Variants in POMT2 observed in about 807,000 individuals in gnomAD.
The protein encoded by POMT2 is protein O-mannosyltransferase 2.
POMT2 carries 75 observed loss-of-function variants against 100.0 expected under a neutral mutation model. The ratio of observed to expected loss-of-function variants is 0.75; its 90% CI spans 0.62 to 0.91. The LOEUF (loss-of-function observed/expected upper bound fraction) is 0.91, where lower values mean the gene tolerates loss of function less well. Among genes scored for constraint, POMT2 ranks in the 40% least tolerant of loss-of-function variants. The pLI is 0.00. For missense variants in POMT2, 940 were observed against 955.1 expected (o/e 0.98, Z 0.21); for synonymous variants, 378 against 374.1 (o/e 1.01, Z -0.12).
At position 77,285,624 on chromosome 14, in the gene POMT2, T is replaced by G; in HGVS notation, c.1341A>C (p.Thr447=). 6.2e-7 allele frequency: 1 copy of G among 1,612,492 alleles called. No individual in the cohort carries two copies. Among genetic ancestry groups the G allele is most frequent in the Non-Finnish European group, 8.5e-7 (1 of 1,178,544 alleles). The change falls in exon 13 of 21, where the codon ACA becomes ACC. Residue 447 remains threonine, a synonymous_variant. Coordinates refer to ENST00000261534, the MANE Select transcript of POMT2 (RefSeq NM_013382.7). ...YQVTGYGING[T]GDSNDFWRIE... is the part of the protein sequence containing the mutation. ...TCCGCCAGAAATCATTTGAGTCCCC[T>G]GTTCCATTCTGCCATAAAAGCCAAG...
Position 77,278,859 on chromosome 14 carries a change from C to G in POMT2, c.1902G>C (p.Gln634His), listed in dbSNP as rs1594883867. ...CCTGGCCGCCTCCTCGAAGCAGGAC[C>G]TGGGACAACCCTGGGCCCAAGCAGC... Reference protein sequence around the residue: ...RLPAEVAGLSQVLLRGGGQVL... With the variant: ...RLPAEVAGLSHVLLRGGGQVL... The change falls in exon 19 of 21, where the codon CAG (glutamine) becomes CAC (histidine). Residue 634 changes from glutamine to histidine, a missense_variant. Gln to His is a conservative substitution (Grantham distance 24). Transcript: ENST00000261534. 6.2e-7 allele frequency: 1 copy of G among 1,613,246 alleles called. No individual in the cohort carries two copies. Among genetic ancestry groups the G allele is most frequent in the Non-Finnish European group, 8.5e-7 (1 of 1,179,790 alleles).
chr14:77,298,668 T>C, intron 8 of POMT2, 21 bp downstream of exon 8: 1 of 1,613,330 alleles, frequency 6.2e-7, no homozygotes, highest in Non-Finnish European at 8.5e-7. Flanking sequence ...TCTACCTTTG[T>C]AATGGCCCAG....
At chr14:77,305,580 T>C (rs559400878) in intron 3 of POMT2, among the ~76,000 whole-genome samples, 9 of 152,342 alleles carry the variant, frequency 5.9e-5, no homozygotes, top group Admixed American at 1.3e-4. Context: ...GCAAATCATC[T>C]AACGATGAGG....
intron 8 of POMT2, among the ~76,000 whole-genome samples, chr14:77,297,535 A>G (rs989516634): frequency 6.6e-6 from 1 of 152,188 alleles, no homozygotes; most frequent in Admixed American, 6.5e-5. Context: ...GGAATTCAGT[A>G]TCTGCCCTTC....
At chr14:77,311,704 T>C (rs1241314735) in intron 2 of POMT2, among the ~76,000 whole-genome samples, 3 of 152,236 alleles carry the variant, frequency 2.0e-5, no homozygotes, top group Non-Finnish European at 4.4e-5. Flanking sequence ...TTCCACCATA[T>C]GGCTGTGCCA....
chr14:77,285,494 C>T lies in POMT2; in HGVS notation c.1471G>A (p.Val491Ile). The change falls in exon 13 of 21, where the codon GTT (valine) becomes ATT (isoleucine). Residue 491 changes from valine (V) to isoleucine (I), a missense_variant. Coordinates refer to ENST00000261534, the MANE Select transcript of POMT2 (RefSeq NM_013382.7). ...TGCVLGSSGK[V>I]LPKWGWEQLE... ...CTAGAGACTTACCACTTGGGCAGAA[C>T]CTTTCCCGAGGAGCCCAGGACACAA... 1 of 1,614,156 alleles carries T rather than the reference C, an allele frequency of 6.2e-7. No individual in the cohort carries two copies. Among genetic ancestry groups the T allele is most frequent in the Non-Finnish European group, 8.5e-7 (1 of 1,180,024 alleles).
intron 1 of POMT2, among the ~76,000 whole-genome samples, chr14:77,316,346 G>A (rs1891625470): frequency 6.6e-6 from 1 of 152,106 alleles, no homozygotes; most frequent in African/African-American, 2.4e-5. Flanking sequence ...GCTGAGGCAG[G>A]AGGATGGCTT....
intron 8 of POMT2, chr14:77,296,620 G>A (rs1002036281): frequency 2.5e-5 from 8 of 314,420 alleles, no homozygotes; most frequent in South Asian, 1.8e-4. Flanking sequence ...TTCTGTCTTC[G>A]CCTGGAATGT....
At chr14:77,299,627 A>G in intron 6 of POMT2, 66 bp from the exon 7 acceptor site, 1 of 1,145,102 alleles carries the variant, frequency 8.7e-7, no homozygotes, top group Non-Finnish European at 1.3e-6. Flanking sequence ...GGCACTATGC[A>G]TGCATTATAT....
chr14:77,298,140 C>T lies in POMT2; in HGVS notation c.1006+549G>A, dbSNP rs139664873. 4.5e-4 allele frequency among the ~76,000 whole-genome samples: 68 copies of T among 152,276 alleles called. No individual in the cohort carries two copies. In the East Asian group the frequency reaches 0.012, roughly 28 times the overall value. ...CTCTGTTGAAAGCCACACATTCTTC[C>T]AGGGCCTGACTCCAAGGCAACCCAC... On this transcript the variant is annotated intron_variant, in intron 8 of 20. Coordinates refer to ENST00000261534, the MANE Select transcript of POMT2 (RefSeq NM_013382.7).
Position 77,277,846 on chromosome 14 carries a change from G to C in POMT2, c.2148-365C>G, listed in dbSNP as rs143977171. ...ACCAAGGCCAGGGACTGGGGAAGCG[G>C]GGAGCCTTCCAAACAACTCTCCCTT... is the stretch of plus-strand genomic sequence containing the variant. On this transcript the variant is annotated intron_variant, in intron 20 of 20. Coordinates refer to ENST00000261534, the MANE Select transcript of POMT2 (RefSeq NM_013382.7). Among the ~76,000 whole-genome samples, 1,219 of 152,284 alleles carry C rather than the reference G, an allele frequency of 8.0e-3. 15 individuals carry two copies. Among genetic ancestry groups the C allele is most frequent in the African/African-American group, 0.027 (1,133 of 41,566 alleles).
At chr14:77,320,285 C>A in intron 1 of POMT2, 149 bp downstream of exon 1, 1 of 1,392,948 alleles carries the variant, frequency 7.2e-7, no homozygotes. Flanking sequence ...ATGCACCTCG[C>A]CAGAGGCCAA....
In POMT2 at chr14:77,285,558, C is replaced by A. The variant is rs886042679; in HGVS notation, c.1407G>T (p.Val469=). 3.1e-6 allele frequency: 5 copies of A among 1,614,012 alleles called. No homozygotes were observed. The highest frequency in any genetic ancestry group is 2.7e-5 in the African/African-American group (2 of 74,912). Residue 469 remains valine (V), a synonymous_variant, in exon 13 of 21, where the codon GTG becomes GTT. Coordinates refer to ENST00000261534, the MANE Select transcript of POMT2 (RefSeq NM_013382.7). The stretch of plus-strand genomic sequence containing the variant: ...GGATGAAGCGAATTCGACTTCTCAG[C>A]ACTTTGATCCGGTTTCCAAATTTCC... The part of the protein sequence containing the change: ...VNRKFGNRIK[V]LRSRIRFIHL...
rs780313126 is a variant in POMT2, at chr14:77,302,924, C to T, written c.567G>A (p.Leu189=). Reference sequence around the variant, plus strand: ...TGGGGTCAAGGAGGATGTACTGGGACAGAGTGAGGCATCCCGTGTCTGAAA... The same window carrying T: ...TGGGGTCAAGGAGGATGTACTGGGATAGAGTGAGGCATCCCGTGTCTGAAA... ...LLTFDTGCLT[L]SQYILLDPIL... The change falls in exon 5 of 21, where the codon CTG becomes CTA. Residue 189 remains leucine (L), a synonymous_variant. Transcript: ENST00000261534. 3.1e-6 allele frequency: 5 copies of T among 1,613,074 alleles called. No homozygotes were observed. Among genetic ancestry groups the T allele is most frequent in the Non-Finnish European group, 4.2e-6 (5 of 1,179,202 alleles).
Position 77,298,706 on chromosome 14 carries a change from T to G in POMT2, c.989A>C (p.Asn330Thr), listed in dbSNP as rs778138973. The change falls in exon 8 of 21, where the codon AAT becomes ACT. Residue 330 changes from asparagine (N) to threonine (T), a missense_variant. Physicochemically the swap from Asn to Thr is moderately conservative, Grantham distance 65. Transcript: ENST00000261534. ...ACACTCACGTTCAGGGATGGAAGCA[T>G]TGTGCAGGTTGTTCCCTGAAAGCCG... ...QARLSGNNLH[N>T]ASIPEHLAYG... 6.2e-7 allele frequency: 1 copy of G among 1,613,758 alleles called. No individual in the cohort carries two copies. Among genetic ancestry groups the G allele is most frequent in the African/African-American group, 1.3e-5 (1 of 75,056 alleles).
At chr14:77,316,468 G>A (rs1389701386) in intron 1 of POMT2, among the ~76,000 whole-genome samples, 1 of 151,092 alleles carries the variant, frequency 6.6e-6, no homozygotes, top group East Asian at 1.9e-4. Context: ...CAGCTACTCA[G>A]GAGGCTGAGA....
At chr14:77,279,334 T>A in intron 18 of POMT2, 2 of 367,396 alleles carry the variant, frequency 5.4e-6, no homozygotes, top group Non-Finnish European at 1.1e-5. Context: ...CTGTGGCCCA[T>A]GGTCTGGCAG....
intron 10 of POMT2, among the ~76,000 whole-genome samples, chr14:77,290,246 A>C (rs1890586485): frequency 6.6e-6 from 1 of 152,238 alleles, no homozygotes; most frequent in South Asian, 2.1e-4. Flanking sequence ...GTTCATGACC[A>C]CATGACGGAA....
At chr14:77,311,626 A>ATGT (rs1402240240) in intron 2 of POMT2, among the ~76,000 whole-genome samples, 3 of 152,180 alleles carry the variant, frequency 2.0e-5, no homozygotes, top group African/African-American at 7.2e-5. Context: ...TCCATTTAGC[A>ATGT]TGTTTTCCAG....
Sources: allele counts gnomAD v4.1 joint callset (sites outside exome capture counted in the v4.1 genomes callset), GRCh38; gene constraint gnomAD v4.1.1; transcripts MANE v1.5; gene names NCBI Gene and HGNC (gene_info 2026-07-23, HGNC 2026-07-21).